The following ZFPM2 variants were observed in gnomAD, a reference collection of about 807,000 sequenced individuals.
The protein encoded by ZFPM2 is zinc finger protein, FOG family member 2.
In ZFPM2, 20 loss-of-function variants were observed where a neutral mutation model predicts 98.6. The ratio of observed to expected loss-of-function variants is 0.20; its 90% confidence interval spans 0.14 to 0.29. The LOEUF (loss-of-function observed/expected upper bound fraction) is 0.29. Ranked by LOEUF, ZFPM2 falls within the 10% of genes least tolerant of loss-of-function variation. The pLI is 1.00. For missense variants in ZFPM2, 1,310 were observed against 1,388.6 expected, an observed-to-expected ratio of 0.94 and a Z score of 0.90; for synonymous variants, 518 against 502.7, an observed-to-expected ratio of 1.03 and a Z score of -0.41.
At chr8:105,552,249 C>T (rs1814871651) in intron 3 of ZFPM2, among the ~76,000 whole-genome samples, 1 of 152,160 alleles carries the variant, frequency 6.6e-6, no homozygotes, top group Non-Finnish European at 1.5e-5. Context: ...CTGTGGCCCT[C>T]CAGCTGGTAG....
intron 5 of ZFPM2, among the ~76,000 whole-genome samples, chr8:105,713,448 A>T (rs1053569697): frequency 6.6e-6 from 1 of 152,074 alleles, no homozygotes; most frequent in Non-Finnish European, 1.5e-5. Flanking sequence ...TAATTTGCAG[A>T]TACTTTCTTC....
intron 2 of ZFPM2, among the ~76,000 whole-genome samples, chr8:105,443,841 A>G (rs1237490090): frequency 6.6e-6 from 1 of 152,186 alleles, no homozygotes; most frequent in Admixed American, 6.5e-5. Context: ...GTGTTCTTCA[A>G]AGTAATCTAA....
intron 5 of ZFPM2, among the ~76,000 whole-genome samples, chr8:105,696,398 C>T (rs1474789395): frequency 2.0e-5 from 3 of 152,140 alleles, no homozygotes; most frequent in Non-Finnish European, 4.4e-5. Context: ...TCTCATTCAA[C>T]ATGGGTATGT....
At chr8:105,388,107 G>C (rs189531727) in intron 1 of ZFPM2, among the ~76,000 whole-genome samples, 2 of 152,264 alleles carry the variant, frequency 1.3e-5, no homozygotes, top group East Asian at 3.9e-4. Flanking sequence ...GATATGTGAT[G>C]AATACTCCTG....
At chr8:105,553,981 G>A (rs1379914895) in intron 3 of ZFPM2, among the ~76,000 whole-genome samples, 2 of 152,156 alleles carry the variant, frequency 1.3e-5, no homozygotes, top group Non-Finnish European at 2.9e-5. Context: ...TAAGATCACT[G>A]CATGGCCAGC....
At chr8:105,558,009 C>A (rs1815039048) in intron 3 of ZFPM2, among the ~76,000 whole-genome samples, 1 of 152,120 alleles carries the variant, frequency 6.6e-6, no homozygotes, top group Non-Finnish European at 1.5e-5. Flanking sequence ...AAACCAAACA[C>A]TCAGGAAAGA....
chr8:105,466,637 G>A (rs2130327132), intron 3 of ZFPM2, among the ~76,000 whole-genome samples: 1 of 152,038 alleles, frequency 6.6e-6, no homozygotes, highest in Admixed American at 6.6e-5. Context: ...CTGCCAAGTC[G>A]CCTGTCCAGA....
At chr8:105,330,522 TTCTC>T (rs146214596) in intron 1 of ZFPM2, among the ~76,000 whole-genome samples, 40 of 117,914 alleles carry the variant, frequency 3.4e-4, no homozygotes, top group African/African-American at 1.2e-3. Context: ...ACAAAACAAT[TTCTC>T]TCTCTCTCTC....
intron 6 of ZFPM2, among the ~76,000 whole-genome samples, chr8:105,791,663 T>G (rs1196962602): frequency 6.6e-6 from 1 of 152,236 alleles, no homozygotes; most frequent in Admixed American, 6.5e-5. Flanking sequence ...TCAGAAGGAA[T>G]GGTACCAGTT....
chr8:105,636,874 C>T (rs763584151), intron 5 of ZFPM2, among the ~76,000 whole-genome samples: 28 of 152,242 alleles, frequency 1.8e-4, no homozygotes, highest in Admixed American at 1.4e-3. Flanking sequence ...ATAACTACTG[C>T]GTATGCTTTT....
At chr8:105,376,714 C>T (rs1195256574) in intron 1 of ZFPM2, among the ~76,000 whole-genome samples, 1 of 152,198 alleles carries the variant, frequency 6.6e-6, no homozygotes, top group East Asian at 1.9e-4. Context: ...TAAGTCCTAT[C>T]TCTAAAAATA....
At chr8:105,441,874 G>T (rs985802532) in intron 2 of ZFPM2, among the ~76,000 whole-genome samples, 1 of 152,130 alleles carries the variant, frequency 6.6e-6, no homozygotes, top group African/African-American at 2.4e-5. Flanking sequence ...AGCAGGTACA[G>T]TCAGGCAGAA....
chr8:105,803,522 C>A lies in ZFPM2; in HGVS notation c.3440C>A (p.Ala1147Glu). 2 of 1,608,086 alleles carry A rather than the reference C, an allele frequency of 1.2e-6. No individual in the cohort carries two copies. Among genetic ancestry groups the A allele is most frequent in the Non-Finnish European group, 1.7e-6 (2 of 1,176,820 alleles). The stretch of plus-strand genomic sequence containing the variant: ...AAGTTTTATTGCTCATCACATGCAG[C>A]AGAACATGTCAAATGAACTAACTAA... ...HKKFYCSSHA[A>E]EHVK is the part of the protein sequence containing the mutation. The change falls in exon 8 of 8, where the codon GCA becomes GAA. Residue 1147 changes from alanine (A) to glutamate (E), a missense_variant. Transcript: ENST00000407775.
chr8:105,567,924 A>T (rs1815273943), intron 4 of ZFPM2, among the ~76,000 whole-genome samples: 1 of 152,050 alleles, frequency 6.6e-6, no homozygotes, highest in South Asian at 2.1e-4. Flanking sequence ...GATTTCATTG[A>T]TGTTGACATT....
chr8:105,727,884 A>T (rs1811850850), intron 5 of ZFPM2, among the ~76,000 whole-genome samples: 1 of 151,548 alleles, frequency 6.6e-6, no homozygotes, highest in Admixed American at 6.6e-5. Flanking sequence ...TCAACAGCAG[A>T]CAAAGGAAGG....
intron 1 of ZFPM2, among the ~76,000 whole-genome samples, chr8:105,414,597 C>T (rs1358829897): frequency 1.3e-5 from 2 of 151,474 alleles, no homozygotes; most frequent in East Asian, 1.9e-4. Flanking sequence ...TATGTTTTCG[C>T]ATCCCCCCCT....
chr8:105,517,641 G>A (rs1008571315), intron 3 of ZFPM2, among the ~76,000 whole-genome samples: 6 of 150,450 alleles, frequency 4.0e-5, no homozygotes, highest in African/African-American at 7.4e-5. Context: ...CTTCAGGGCA[G>A]GAGTTTGAGA....
rs1205735748 is a variant in ZFPM2, at chr8:105,487,949, G to T, written c.301+43568G>T. 1.9e-4 allele frequency among the ~76,000 whole-genome samples: 22 copies of T among 118,574 alleles called. 1 individual carries two copies. Among genetic ancestry groups the T allele is most frequent in the African/African-American group, 3.3e-4 (10 of 30,590 alleles). The allele number at this position is 118,574 out of a possible 152,430, so 77.8% of individuals were successfully genotyped here. ...ATCTATCTAGCTAGCTAGCTAGCTA[G>T]CTATCTGTCATGTCTTTTTTTAGAG... is the stretch of plus-strand genomic sequence containing the variant. On this transcript the variant is annotated intron_variant, in intron 3 of 7. Transcript: ENST00000407775.
chr8:105,337,353 T>A (rs1218174860), intron 1 of ZFPM2, among the ~76,000 whole-genome samples: 1 of 151,836 alleles, frequency 6.6e-6, no homozygotes, highest in Admixed American at 6.6e-5. Flanking sequence ...TTTTAGTCTC[T>A]TCACTTGAGG....
Sources: gnomAD v4.1 joint callset for allele counts (sites outside exome capture counted in the v4.1 genomes callset) on GRCh38, gnomAD v4.1.1 for gene constraint, MANE v1.5 for transcripts, NCBI Gene and HGNC (gene_info 2026-07-23, HGNC 2026-07-21) for gene names.